The following PLCG2 variants were observed in gnomAD, a reference collection of about 807,000 sequenced individuals.
The protein encoded by PLCG2 is 1-phosphatidylinositol 4,5-bisphosphate phosphodiesterase gamma-2.
Under a neutral mutation model 175.6 loss-of-function variants are expected in PLCG2, and 69 were observed. The ratio of observed to expected loss-of-function variants is 0.39; its 90% CI spans 0.32 to 0.48. The LOEUF (loss-of-function observed/expected upper bound fraction) is 0.48, where lower values mean the gene tolerates loss of function less well. PLCG2 is among the 20% of genes least tolerant of loss of function. The pLI, the probability that PLCG2 is intolerant of heterozygous loss-of-function variation, is 0.91. For missense variants in PLCG2, 1,798 were observed against 1,650.9 expected (o/e 1.09, Z -1.54); for synonymous variants, 827 against 624.0 (o/e 1.33, Z -4.85).
At position 81,860,315 on chromosome 16, in the gene PLCG2, A is replaced by G. The variant is rs972279295; in HGVS notation, c.479+1152A>G. Among the ~76,000 whole-genome samples, 4 of 151,940 alleles carry G rather than the reference A, an allele frequency of 2.6e-5. No individual in the cohort carries two copies. The East Asian group carries it at 5.8e-4, about 22-fold the overall frequency. On this transcript the variant is annotated intron_variant, in intron 5 of 32. Coordinates refer to ENST00000564138, the MANE Select transcript of PLCG2 (RefSeq NM_002661.5). ...GTTGATGCACAGAGCGCTGCTCCCAATCCTTTATCATTACTGTGATTAATG... is the reference window on the plus strand; with the variant it reads ...GTTGATGCACAGAGCGCTGCTCCCAGTCCTTTATCATTACTGTGATTAATG...
intron 30 of PLCG2, among the ~76,000 whole-genome samples, chr16:81,943,959 C>G (rs1245307029): frequency 6.6e-6 from 1 of 152,152 alleles, no homozygotes; most frequent in African/African-American, 2.4e-5. Flanking sequence ...CTCAGGAATT[C>G]TGTGTCCCAT....
intron 31 of PLCG2, 91 bp from the exon 32 acceptor site, chr16:81,956,604 C>T: frequency 8.6e-7 from 1 of 1,167,456 alleles, no homozygotes; most frequent in Non-Finnish European, 1.2e-6. Context: ...GCCCCATGCT[C>T]CCTTTGGGCA....
At chr16:81,882,386 G>T (rs117654182) in intron 8 of PLCG2, among the ~76,000 whole-genome samples, 1 of 152,194 alleles carries the variant, frequency 6.6e-6, no homozygotes, top group East Asian at 1.9e-4. Context: ...TTGCCCTGAT[G>T]GCCTGGAGTC....
chr16:81,871,106 T>A lies in PLCG2; in HGVS notation c.648+171T>A, dbSNP rs7192535. ...ATTTTCATCCATTAGATTGGCAAAATTCTTTAACCATGACAGAGCTGTGGG... is the reference window on the plus strand; with the variant it reads ...ATTTTCATCCATTAGATTGGCAAAAATCTTTAACCATGACAGAGCTGTGGG... On this transcript the variant is annotated intron_variant, in intron 7 of 32. Transcript: ENST00000564138. 0.55 allele frequency among the ~76,000 whole-genome samples: 83,145 copies of A among 151,998 alleles called. 23,490 individuals are homozygous for A. The highest frequency in any genetic ancestry group is 0.62 in the Middle Eastern group (183 of 294).
Position 81,891,459 on chromosome 16 carries a change from T to G in PLCG2, c.868-13T>G, listed in dbSNP as rs1298304582. On this transcript the variant is annotated splice_polypyrimidine_tract_variant and intron_variant, in intron 10 of 32. Transcript: ENST00000564138. ...CAACGTGATGATTCGGTCTTCGTGT[T>G]TGACTCTTTTAGTTCCTCACGTACC... 2.1e-6 allele frequency: 3 copies of G among 1,402,734 alleles called. No homozygotes were observed. The African/African-American group carries it at 4.2e-5, about 20-fold the overall frequency. 86.9% of individuals were successfully genotyped at this position (1,402,734 alleles called of 1,614,324 possible).
chr16:81,942,788 C>T (rs939509243), intron 30 of PLCG2, among the ~76,000 whole-genome samples: 17 of 152,284 alleles, frequency 1.1e-4, no homozygotes, highest in Non-Finnish European at 2.2e-4. Context: ...TTTCGAACCC[C>T]GTGTTCCTCC....
At chr16:81,774,216 G>C (rs1008871364) in intron 2 of PLCG2, among the ~76,000 whole-genome samples, 1 of 144,812 alleles carries the variant, frequency 6.9e-6, no homozygotes, top group African/African-American at 2.5e-5. Flanking sequence ...CAGGCGTGGT[G>C]ATGCACGCCT....
At chr16:81,878,186 G>C (rs1209862082) in intron 7 of PLCG2, among the ~76,000 whole-genome samples, 1 of 151,632 alleles carries the variant, frequency 6.6e-6, no homozygotes. Context: ...GGGTTTCACT[G>C]TGTTAGCCAG....
At chr16:81,884,830 C>T (rs1253678510) in intron 9 of PLCG2, among the ~76,000 whole-genome samples, 5 of 152,004 alleles carry the variant, frequency 3.3e-5, no homozygotes, top group South Asian at 2.1e-4. Context: ...AGCAGACAGA[C>T]GGTTTAATGA....
chr16:81,787,411 T>TTTTTTTTTTTC (rs1491091914), intron 2 of PLCG2, among the ~76,000 whole-genome samples: 1 of 140,860 alleles, frequency 7.1e-6, no homozygotes, highest in Non-Finnish European at 1.6e-5. Flanking sequence ...TTTTTTTTTT[T>TTTTTTTTTTTC]GTAGAGATGG....
chr16:81,893,351 G>A (rs760379506), intron 11 of PLCG2, among the ~76,000 whole-genome samples: 15 of 152,208 alleles, frequency 9.9e-5, no homozygotes, highest in Non-Finnish European at 1.8e-4. Flanking sequence ...TGTTTAGACC[G>A]AGGACCCAGA....
chr16:81,781,254 A>G (rs963363385), intron 1 of PLCG2, among the ~76,000 whole-genome samples: 1 of 152,138 alleles, frequency 6.6e-6, no homozygotes, highest in African/African-American at 2.4e-5. Flanking sequence ...AGTTGCAACT[A>G]TTGTCTGAAG....
chr16:81,836,825 C>T (rs1362760248), intron 2 of PLCG2, among the ~76,000 whole-genome samples: 2 of 152,220 alleles, frequency 1.3e-5, no homozygotes, highest in Non-Finnish European at 2.9e-5. Context: ...CAGTGACTCT[C>T]TCTGCTTCAG....
chr16:81,826,179 G>C (rs904569421), intron 2 of PLCG2, among the ~76,000 whole-genome samples: 2 of 152,216 alleles, frequency 1.3e-5, no homozygotes, highest in Non-Finnish European at 2.9e-5. Context: ...CAGAAAGCTA[G>C]AGTCCTCCTC....
chr16:81,788,824 T>A (rs995569798), intron 2 of PLCG2, among the ~76,000 whole-genome samples: 1 of 152,228 alleles, frequency 6.6e-6, no homozygotes, highest in Non-Finnish European at 1.5e-5. Flanking sequence ...CCCTCTTGAC[T>A]GTTTGCATTG....
chr16:81,870,669 T>G (rs1907467943), intron 6 of PLCG2, among the ~76,000 whole-genome samples, 183 bp from the exon 7 acceptor site: 1 of 152,210 alleles, frequency 6.6e-6, no homozygotes, highest in African/African-American at 2.4e-5. Context: ...AAAGCCATGT[T>G]AAATAGCATG....
At chr16:81,885,446 G>A (rs1227755776) in intron 9 of PLCG2, among the ~76,000 whole-genome samples, 1 of 152,194 alleles carries the variant, frequency 6.6e-6, no homozygotes, top group African/African-American at 2.4e-5. Flanking sequence ...TTACAGATGT[G>A]AGGCACTGTG....
At chr16:81,928,116 G>A (rs1910352571) in intron 23 of PLCG2, among the ~76,000 whole-genome samples, 1 of 152,118 alleles carries the variant, frequency 6.6e-6, no homozygotes, top group Admixed American at 6.5e-5. Context: ...AAAGGGTGAT[G>A]GGGGCTCTGA....
At chr16:81,824,046 TTCCTG>T (rs71146049) in intron 2 of PLCG2, among the ~76,000 whole-genome samples, 102 of 108,726 alleles carry the variant, frequency 9.4e-4, no homozygotes, top group South Asian at 1.3e-3. Flanking sequence ...TTCCTTTCCT[TTCCTG>T]TCCTGTCCTG....
Sources: allele counts gnomAD v4.1 joint callset (sites outside exome capture counted in the v4.1 genomes callset), GRCh38; gene constraint gnomAD v4.1.1; transcripts MANE v1.5; gene names NCBI Gene and HGNC (gene_info 2026-07-23, HGNC 2026-07-21).